The following SNX16 variants were observed in gnomAD, a reference collection of about 807,000 sequenced individuals.
SNX16 encodes the protein sorting nexin-16.
In SNX16, 35 loss-of-function variants were observed where a neutral mutation model predicts 36.7. The observed-to-expected ratio is 0.95, with a 90% CI of 0.73 to 1.27. The LOEUF (loss-of-function observed/expected upper bound fraction) is 1.27, where lower values mean the gene tolerates loss of function less well. SNX16 is among the 50% of genes most tolerant of loss of function. The pLI is 0.00. For synonymous variants in SNX16, 134 were observed against 132.0 expected (o/e 1.02, Z -0.10); for missense variants, 367 against 393.6 (o/e 0.93, Z 0.57).
intron 2 of SNX16, among the ~76,000 whole-genome samples, chr8:81,839,062 G>A (rs990098866): frequency 2.0e-5 from 3 of 152,122 alleles, no homozygotes; most frequent in African/African-American, 7.2e-5. Flanking sequence ...CTGTACCCAT[G>A]AGAACAGCTG....
intron 4 of SNX16, among the ~76,000 whole-genome samples, chr8:81,820,855 C>G (rs1450301594): frequency 1.3e-5 from 2 of 151,522 alleles, no homozygotes; most frequent in African/African-American, 4.8e-5. Flanking sequence ...CTTTTATACC[C>G]TTTAACACAG....
Position 81,802,399 on chromosome 8 carries a change from C to T in SNX16, c.919G>A (p.Val307Ile). 6.2e-7 allele frequency: 1 copy of T among 1,606,500 alleles called. No homozygotes were observed. The highest frequency in any genetic ancestry group is 1.3e-5 in the African/African-American group (1 of 74,520). Residue 307 changes from valine to isoleucine, a missense_variant, in exon 7 of 8, where the codon GTC becomes ATC. Coordinates refer to ENST00000345957, the MANE Select transcript of SNX16 (RefSeq NM_152836.3). ...ATATACCTAGATTCTTCATCCAGGA[C>T]ATCTTGATCAACCTCAAGTGCAGAG... Reference protein sequence around the residue: ...ESSALEVDQDVLDEESRADNK... With the variant: ...ESSALEVDQDILDEESRADNK...
chr8:81,824,736 G>GTAA (rs1287337539), intron 3 of SNX16, among the ~76,000 whole-genome samples: 1 of 152,130 alleles, frequency 6.6e-6, no homozygotes, highest in Non-Finnish European at 1.5e-5. Context: ...CCACAACTGT[G>GTAA]TAACAAATTA....
At chr8:81,810,537 C>G (rs1375690606) in intron 5 of SNX16, among the ~76,000 whole-genome samples, 1 of 152,168 alleles carries the variant, frequency 6.6e-6, no homozygotes, top group East Asian at 1.9e-4. Context: ...TTTCTTCATT[C>G]ACTGTTCAAA....
At chr8:81,841,423 C>T (rs766227396) in intron 1 of SNX16, among the ~76,000 whole-genome samples, 1 of 151,720 alleles carries the variant, frequency 6.6e-6, no homozygotes, top group Admixed American at 6.6e-5. Flanking sequence ...GAAACTTTAG[C>T]TGCTGATTCA....
chr8:81,808,483 G>C, intron 5 of SNX16: 1 of 963,654 alleles, frequency 1.0e-6, no homozygotes, highest in Non-Finnish European at 1.7e-6. Flanking sequence ...GGGGGATATG[G>C]TGGCAGTGGG....
At chr8:81,804,912 T>C (rs1435826481) in intron 5 of SNX16, among the ~76,000 whole-genome samples, 2 of 152,068 alleles carry the variant, frequency 1.3e-5, no homozygotes, top group Admixed American at 6.5e-5. Flanking sequence ...AAGAAGAAAT[T>C]GAACAAATCC....
intron 2 of SNX16, among the ~76,000 whole-genome samples, chr8:81,833,848 A>G (rs1811375976): frequency 6.6e-6 from 1 of 152,148 alleles, no homozygotes; most frequent in Non-Finnish European, 1.5e-5. Flanking sequence ...TCCCTTCTCT[A>G]TATTCCAATA....
chr8:81,801,468 T>C lies in SNX16; in HGVS notation c.*29A>G. 1 of 1,372,400 alleles carries C rather than the reference T, an allele frequency of 7.3e-7. No homozygotes were observed. Among genetic ancestry groups the C allele is most frequent in the Non-Finnish European group, 1.0e-6 (1 of 989,636 alleles). The allele number at this position is 1,372,400 out of a possible 1,614,324, so 85.0% of individuals were successfully genotyped here. ...GCCACTCTTCTAAATTTTTGAATAG[T>C]CTAAATGGAGGGAACTGCTTGTGAT... On this transcript the variant is annotated 3_prime_UTR_variant, in exon 8 of 8. Transcript: ENST00000345957.
chr8:81,823,630 G>T (rs1304333889), intron 4 of SNX16, among the ~76,000 whole-genome samples, 162 bp downstream of exon 4: 1 of 152,066 alleles, frequency 6.6e-6, no homozygotes, highest in East Asian at 1.9e-4. Context: ...CTTATTGAAA[G>T]AAAGCAAGAA....
intron 5 of SNX16, 70 bp from the exon 6 acceptor site, chr8:81,803,298 C>T (rs1809791357): frequency 1.4e-6 from 2 of 1,429,240 alleles, no homozygotes; most frequent in South Asian, 1.4e-5. Context: ...AATGCAGTAT[C>T]TTTCTCAAGA....
At chr8:81,808,440 G>A in intron 5 of SNX16, 1 of 1,095,368 alleles carries the variant, frequency 9.1e-7, no homozygotes, top group Non-Finnish European at 1.4e-6. Context: ...AAACTTCAGG[G>A]GTCATGGTGG....
chr8:81,811,681 A>G (rs1407738020), intron 5 of SNX16, among the ~76,000 whole-genome samples: 2 of 152,176 alleles, frequency 1.3e-5, no homozygotes, highest in Admixed American at 6.6e-5. Context: ...CAAAATAATA[A>G]TAACCACTAT....
chr8:81,804,671 C>T (rs59101671), intron 5 of SNX16, among the ~76,000 whole-genome samples: 37,670 of 151,814 alleles, frequency 0.25, 5,219 homozygotes, highest in East Asian at 0.37. Context: ...ATTTTTCAGA[C>T]TGTATTAAAA....
Position 81,829,473 on chromosome 8 carries a change from A to G in SNX16, c.419T>C (p.Val140Ala). The G allele has an allele frequency of 1.4e-6, 2 of 1,432,478 alleles. No homozygotes were observed. Among genetic ancestry groups the G allele is most frequent in the Non-Finnish European group, 1.8e-6 (2 of 1,091,626 alleles). 88.7% of individuals were successfully genotyped at this position (1,432,478 alleles called of 1,614,324 possible). A position where few individuals can be genotyped will look rare whatever the true frequency, so the allele number is the denominator to read the frequency against. Reference protein sequence around the residue: ...LVKKTPEESWVVFRRYTDFSR... With the variant: ...LVKKTPEESWAVFRRYTDFSR... ...GAAGTCAGTGTATCTTCTGAAAACT[A>G]CCCAGCTTTCTTCTGGGGTTTTCTT... Residue 140 changes from valine to alanine, a missense_variant, in exon 3 of 8, where the codon GTA (valine) becomes GCA (alanine). Transcript: ENST00000345957.
intron 2 of SNX16, among the ~76,000 whole-genome samples, chr8:81,830,931 G>A (rs907196336): frequency 3.3e-5 from 5 of 152,100 alleles, no homozygotes; most frequent in African/African-American, 4.8e-5. Context: ...TAAACCAATG[G>A]AAGATAATAG....
chr8:81,801,654 C>T (rs1244743711), intron 7 of SNX16, 61 bp from the exon 8 acceptor site: 3 of 973,860 alleles, frequency 3.1e-6, no homozygotes, highest in Non-Finnish European at 4.6e-6. Context: ...GCTATTATTT[C>T]ATTTTCACTA....
chr8:81,804,969 T>G (rs1446411316), intron 5 of SNX16, among the ~76,000 whole-genome samples: 1 of 152,022 alleles, frequency 6.6e-6, no homozygotes, highest in Non-Finnish European at 1.5e-5. Context: ...ATTAACGGAT[T>G]AAACAAAAAA....
At chr8:81,817,700 C>A (rs1045378554) in intron 4 of SNX16, among the ~76,000 whole-genome samples, 1 of 152,124 alleles carries the variant, frequency 6.6e-6, no homozygotes, top group Non-Finnish European at 1.5e-5. Context: ...ACTCTATTTT[C>A]TTTCTAAGGA....
Sources: gnomAD v4.1 joint callset for allele counts (sites outside exome capture counted in the v4.1 genomes callset) on GRCh38, gnomAD v4.1.1 for gene constraint, MANE v1.5 for transcripts, NCBI Gene and HGNC (gene_info 2026-07-23, HGNC 2026-07-21) for gene names.